The following ADGRA3 variants were observed in gnomAD, a reference collection of about 807,000 sequenced individuals.
ADGRA3 encodes adhesion G protein-coupled receptor A3.
ADGRA3 carries 56 observed loss-of-function variants against 119.8 expected under a neutral mutation model. The observed-to-expected ratio is 0.47, with a 90% CI of 0.38 to 0.58. ADGRA3 has a LOEUF of 0.58. Ranked by LOEUF, ADGRA3 falls within the 20% of genes least tolerant of loss-of-function variation. ADGRA3 has a pLI of 0.00. For missense variants in ADGRA3, 1,516 were observed against 1,649.0 expected (o/e 0.92, Z 1.40); for synonymous variants, 607 against 623.8 (o/e 0.97, Z 0.40).
In ADGRA3 at chr4:22,388,189, T is replaced by C. The variant is rs1426606242; in HGVS notation, c.3482A>G (p.Gln1161Arg). The C allele has an allele frequency of 6.2e-7, 1 of 1,614,100 alleles. No individual in the cohort carries two copies. The highest frequency in any genetic ancestry group is 1.1e-5 in the South Asian group (1 of 91,084). ...GCTTGAGTGCACATTTGTTCGAAAC[T>C]GAACTTCTAAAGGCGCCACGTGCAT... is the stretch of plus-strand genomic sequence containing the variant. ...IKMHVAPLEV[Q>R]FRTNVHSSRH... Residue 1161 changes from glutamine (Q) to arginine (R), a missense_variant, in exon 19 of 19, where the codon CAG (glutamine) becomes CGG (arginine). By Grantham distance (43) the Gln-to-Arg change is conservative. Coordinates refer to ENST00000334304, the MANE Select transcript of ADGRA3 (RefSeq NM_145290.4).
chr4:22,402,120 G>C (rs1425591480), intron 15 of ADGRA3, among the ~76,000 whole-genome samples: 1 of 152,090 alleles, frequency 6.6e-6, no homozygotes, highest in Non-Finnish European at 1.5e-5. Context: ...AAAACGTTTT[G>C]TAAAGCGAAT....
At chr4:22,428,452 C>T (rs759259232) in intron 10 of ADGRA3, among the ~76,000 whole-genome samples, 9 of 152,004 alleles carry the variant, frequency 5.9e-5, no homozygotes, top group Non-Finnish European at 1.0e-4. Flanking sequence ...TAGGCCGTTC[C>T]ATATTTACAT....
intron 14 of ADGRA3, among the ~76,000 whole-genome samples, chr4:22,410,882 T>G (rs1715163023): frequency 6.6e-6 from 1 of 152,040 alleles, no homozygotes; most frequent in African/African-American, 2.4e-5. Context: ...TGAAAATAAA[T>G]AGAAAAAAAA....
intron 14 of ADGRA3, among the ~76,000 whole-genome samples, chr4:22,409,585 A>G (rs1235424533): frequency 1.3e-5 from 2 of 152,194 alleles, no homozygotes; most frequent in Non-Finnish European, 2.9e-5. Context: ...TGAGGCTGTT[A>G]TAAGAGCTGA....
chr4:22,463,297 A>ATTT (rs1222440848), intron 2 of ADGRA3, among the ~76,000 whole-genome samples: 3 of 152,224 alleles, frequency 2.0e-5, no homozygotes, highest in Non-Finnish European at 2.9e-5. Context: ...CAAAGTAACC[A>ATTT]GTACCTCCAG....
intron 17 of ADGRA3, 121 bp downstream of exon 17, chr4:22,392,424 A>G (rs1253863693): frequency 2.7e-6 from 3 of 1,126,118 alleles, no homozygotes; most frequent in Non-Finnish European, 3.9e-6. Context: ...AAAACCAGGC[A>G]GTCCTGCATA....
chr4:22,492,403 CAT>C (rs1445919682), intron 1 of ADGRA3, among the ~76,000 whole-genome samples: 3 of 152,132 alleles, frequency 2.0e-5, no homozygotes, highest in African/African-American at 7.2e-5. Flanking sequence ...ACCCAATATA[CAT>C]AGATATTGGA....
chr4:22,446,655 C>CAGGAA (rs1716842451), intron 5 of ADGRA3, among the ~76,000 whole-genome samples: 1 of 151,838 alleles, frequency 6.6e-6, no homozygotes, highest in African/African-American at 2.4e-5. Context: ...ATGACGGGTG[C>CAGGAA]AGGAAAGGAA....
intron 14 of ADGRA3, among the ~76,000 whole-genome samples, chr4:22,405,371 T>A (rs28631312): frequency 0.025 from 3,852 of 151,778 alleles, 110 homozygotes; most frequent in African/African-American, 0.058. Flanking sequence ...GAGATCCCAT[T>A]TCTGCAAAAA....
intron 1 of ADGRA3, among the ~76,000 whole-genome samples, chr4:22,488,417 G>A (rs990931343): frequency 1.3e-5 from 2 of 151,926 alleles, no homozygotes; most frequent in African/African-American, 4.8e-5. Flanking sequence ...ATCTTAGGCT[G>A]TGGAGATCTG....
In ADGRA3 at chr4:22,387,928, T is replaced by C; in HGVS notation, c.3743A>G (p.Lys1248Arg). 6.2e-7 allele frequency: 1 copy of C among 1,614,146 alleles called. No individual in the cohort carries two copies. The highest frequency in any genetic ancestry group is 2.2e-5 in the East Asian group (1 of 44,866). Residue 1248 changes from lysine to arginine, a missense_variant, in exon 19 of 19, where the codon AAA becomes AGA. Around this residue, in one of 2 missense-constraint regions of ADGRA3, gnomAD observed 1,088 missense variants for 1,107.1 expected, o/e 0.98. Transcript: ENST00000334304. Reference protein sequence around the residue: ...DSSDACSTLPKSSRNFEKPVS... With the variant: ...DSSDACSTLPRSSRNFEKPVS... ...TGGCTTTTCAAAATTTCTGCTACTTTTGGGAAGTGTGCTACAAGCATCGCT... is the reference window on the plus strand; with the variant it reads ...TGGCTTTTCAAAATTTCTGCTACTTCTGGGAAGTGTGCTACAAGCATCGCT...
Position 22,424,339 on chromosome 4 carries a change from A to G in ADGRA3, c.1457T>C (p.Met486Thr), listed in dbSNP as rs1450787202. 6.2e-7 allele frequency: 1 copy of G among 1,613,314 alleles called. No homozygotes were observed. Among genetic ancestry groups the G allele is most frequent in the Non-Finnish European group, 8.5e-7 (1 of 1,179,614 alleles). ...EEKSKELGDV[M>T]VDIASNIMLA... ...CATGATGTTACTTGCAATGTCAACCATCACGTCACCTAGCTAGCAGGGGTT... is the reference window on the plus strand; with the variant it reads ...CATGATGTTACTTGCAATGTCAACCGTCACGTCACCTAGCTAGCAGGGGTT... The change falls in exon 11 of 19, where the codon ATG becomes ACG. Residue 486 changes from methionine to threonine, a missense_variant. Coordinates refer to ENST00000334304, the MANE Select transcript of ADGRA3 (RefSeq NM_145290.4).
rs766671772 is a variant in ADGRA3, at chr4:22,388,493, T to A, written c.3178A>T (p.Thr1060Ser). The A allele has an allele frequency of 6.2e-7, 1 of 1,614,032 alleles. No homozygotes were observed. The highest frequency in any genetic ancestry group is 1.7e-5 in the Admixed American group (1 of 60,008). Reference sequence around the variant, plus strand: ...TACGAGCTCCGTCCTGGGCAGCAAGTCATGATCCACGCAAGTCTAACATCC... The same window carrying A: ...TACGAGCTCCGTCCTGGGCAGCAAGACATGATCCACGCAAGTCTAACATCC... ...REDVRLAWIM[T>S]CCPGRSSYSV... The change falls in exon 19 of 19, where the codon ACT becomes TCT. Residue 1060 changes from threonine (T) to serine (S), a missense_variant. Transcript: ENST00000334304.
intron 1 of ADGRA3, among the ~76,000 whole-genome samples, chr4:22,481,007 T>G (rs1718243028): frequency 6.6e-6 from 1 of 152,138 alleles, no homozygotes; most frequent in South Asian, 2.1e-4. Flanking sequence ...GCTACTGCAC[T>G]CCAGCCTGGG....
intron 1 of ADGRA3, among the ~76,000 whole-genome samples, chr4:22,513,845 CAAAAAA>C (rs59015584): frequency 0.1 from 3,120 of 31,126 alleles, 23 homozygotes; most frequent in African/African-American, 0.15. Flanking sequence ...AGCTTTCAGG[CAAAAAA>C]AAAAAAAAAA....
chr4:22,413,759 T>C lies in ADGRA3; in HGVS notation c.1865A>G (p.Gln622Arg), dbSNP rs1427964548. The C allele has an allele frequency of 1.9e-6, 3 of 1,613,844 alleles. No homozygotes were observed. Among genetic ancestry groups the C allele is most frequent in the Admixed American group, 1.7e-5 (1 of 59,966 alleles). The change falls in exon 13 of 19, where the codon CAA becomes CGA. Residue 622 changes from glutamine to arginine, a missense_variant. Coordinates refer to ENST00000334304, the MANE Select transcript of ADGRA3 (RefSeq NM_145290.4). ...ATCAGTTGGTCTGAGTTCTCTTTTT[T>C]GCTTTGGTGAGAAAAGGGAAGGAGG... ...QLPPSLFSPKQKRELRPTDDS... is the reference protein window; with the variant it reads ...QLPPSLFSPKRKRELRPTDDS...
intron 1 of ADGRA3, among the ~76,000 whole-genome samples, chr4:22,504,172 A>C (rs1341799795): frequency 3.3e-5 from 5 of 152,324 alleles, no homozygotes; most frequent in African/African-American, 9.6e-5. Flanking sequence ...CTCAAGAAAA[A>C]AAGATTGCAA....
intron 2 of ADGRA3, among the ~76,000 whole-genome samples, chr4:22,464,057 C>T (rs945910653): frequency 6.6e-6 from 1 of 152,104 alleles, no homozygotes; most frequent in Non-Finnish European, 1.5e-5. Flanking sequence ...GCAATTCTAC[C>T]ACCTCCCCAC....
intron 2 of ADGRA3, among the ~76,000 whole-genome samples, chr4:22,465,023 A>C (rs1717605933): frequency 6.6e-6 from 1 of 152,218 alleles, no homozygotes; most frequent in Admixed American, 6.5e-5. Flanking sequence ...GACCTAAGGA[A>C]ACTCTGCCCA....
Sources: allele counts gnomAD v4.1 joint callset (sites outside exome capture counted in the v4.1 genomes callset), GRCh38; gene constraint gnomAD v4.1.1; regional missense constraint gnomAD v4.1.1; transcripts MANE v1.5; gene names NCBI Gene and HGNC (gene_info 2026-07-23, HGNC 2026-07-21).